Variants in RPAP2 observed in about 807,000 individuals in gnomAD.
RPAP2 encodes putative RNA polymerase II subunit B1 CTD phosphatase RPAP2.
Under a neutral mutation model 73.1 loss-of-function variants are expected in RPAP2, and 52 were observed. The observed-to-expected ratio is 0.71, with a 90% CI of 0.57 to 0.90. RPAP2 has a LOEUF of 0.90. Ranked by LOEUF, RPAP2 falls within the 40% of genes least tolerant of loss-of-function variation. The pLI is 0.00. For synonymous variants in RPAP2, 225 were observed against 242.1 expected, an observed-to-expected ratio of 0.93 and a Z score of 0.65; for missense variants, 598 against 701.8, an observed-to-expected ratio of 0.85 and a Z score of 1.67.
At chr1:92,321,175 A>G (rs533368062) in intron 7 of RPAP2, among the ~76,000 whole-genome samples, 125 of 152,374 alleles carry the variant, frequency 8.2e-4, no homozygotes, top group Middle Eastern at 6.8e-3. Context: ...CCTTAGTCAC[A>G]TGGCGTTGAG....
intron 6 of RPAP2, among the ~76,000 whole-genome samples, chr1:92,314,967 C>T (rs979108291): frequency 1.3e-5 from 2 of 152,100 alleles, no homozygotes; most frequent in Admixed American, 6.5e-5. Flanking sequence ...ATCTCTTGAA[C>T]CCGAGAGGCA....
intron 6 of RPAP2, among the ~76,000 whole-genome samples, chr1:92,312,831 T>A (rs1200249546): frequency 1.3e-4 from 20 of 152,022 alleles, no homozygotes; most frequent in Admixed American, 1.3e-3. Flanking sequence ...TTTCCTTTTT[T>A]CTTTTTTTCA....
intron 11 of RPAP2, among the ~76,000 whole-genome samples, chr1:92,357,925 T>G (rs1330668875): frequency 6.6e-6 from 1 of 152,208 alleles, no homozygotes; most frequent in Non-Finnish European, 1.5e-5. Context: ...GGAGTTTCAT[T>G]TGCTCGTTTG....
chr1:92,312,278 G>A (rs1221371535), intron 6 of RPAP2, among the ~76,000 whole-genome samples: 1 of 152,126 alleles, frequency 6.6e-6, no homozygotes, highest in East Asian at 1.9e-4. Context: ...TTAGCTGGGT[G>A]TGGTGGCACA....
intron 11 of RPAP2, among the ~76,000 whole-genome samples, chr1:92,361,096 T>C (rs1326273985): frequency 3.9e-5 from 4 of 102,272 alleles, no homozygotes; most frequent in Admixed American, 1.2e-4. Context: ...ATATATAATA[T>C]ATATATACAC....
At chr1:92,372,367 C>T (rs1283650998) in intron 11 of RPAP2, among the ~76,000 whole-genome samples, 1 of 152,224 alleles carries the variant, frequency 6.6e-6, no homozygotes, top group Non-Finnish European at 1.5e-5. Flanking sequence ...CCTAAGCCTG[C>T]TCAGTGGCAC....
intron 12 of RPAP2, among the ~76,000 whole-genome samples, chr1:92,383,706 T>G (rs1172092750): frequency 6.6e-5 from 10 of 151,664 alleles, no homozygotes; most frequent in Non-Finnish European, 1.5e-4. Flanking sequence ...TCATGTCATC[T>G]GCAAACAGGG....
intron 8 of RPAP2, among the ~76,000 whole-genome samples, chr1:92,332,128 A>G (rs1553152138): frequency 6.8e-6 from 1 of 147,480 alleles, no homozygotes; most frequent in Non-Finnish European, 1.5e-5. Flanking sequence ...TTTTTACTGT[A>G]TCTTGTAGGT....
intron 8 of RPAP2, among the ~76,000 whole-genome samples, chr1:92,325,146 C>T (rs1652551818): frequency 6.6e-6 from 1 of 152,110 alleles, no homozygotes; most frequent in Non-Finnish European, 1.5e-5. Context: ...AGTATTTCTA[C>T]TACCCATCTT....
intron 7 of RPAP2, among the ~76,000 whole-genome samples, chr1:92,322,040 G>A (rs1268884273): frequency 2.0e-5 from 3 of 149,198 alleles, no homozygotes; most frequent in African/African-American, 7.4e-5. Context: ...CTGCCACCTG[G>A]GTTCAAGCAG....
intron 6 of RPAP2, among the ~76,000 whole-genome samples, chr1:92,311,221 C>G (rs1466513100): frequency 1.3e-5 from 2 of 152,090 alleles, no homozygotes; most frequent in South Asian, 4.1e-4. Context: ...TCTCAGTTTC[C>G]TCATTTGTAA....
chr1:92,369,437 T>A (rs975418698), intron 11 of RPAP2, among the ~76,000 whole-genome samples: 1 of 152,172 alleles, frequency 6.6e-6, no homozygotes, highest in African/African-American at 2.4e-5. Flanking sequence ...AGCCTCTTGT[T>A]GGGACTTCAG....
At chr1:92,300,682 G>T (rs1395203441) in intron 2 of RPAP2, among the ~76,000 whole-genome samples, 2 of 152,218 alleles carry the variant, frequency 1.3e-5, no homozygotes, top group Non-Finnish European at 2.9e-5. Flanking sequence ...AGAGTTTCTA[G>T]AAGAGGAGTA....
chr1:92,347,750 C>G (rs1653979688), intron 11 of RPAP2, among the ~76,000 whole-genome samples: 2 of 152,124 alleles, frequency 1.3e-5, no homozygotes, highest in South Asian at 4.1e-4. Context: ...CTTTGCTAGT[C>G]CTTTTAGGCA....
chr1:92,384,754 G>T (rs1278140802), intron 12 of RPAP2, among the ~76,000 whole-genome samples: 1 of 152,130 alleles, frequency 6.6e-6, no homozygotes, highest in Non-Finnish European at 1.5e-5. Flanking sequence ...GCTTGGGTTG[G>T]TTTGTATAAG....
At chr1:92,331,568 A>T (rs1423796912) in intron 8 of RPAP2, among the ~76,000 whole-genome samples, 1 of 152,136 alleles carries the variant, frequency 6.6e-6, no homozygotes, top group African/African-American at 2.4e-5. Context: ...GTAAGTTAAT[A>T]CTTTTATTGC....
chr1:92,348,481 A>T (rs1654030703), intron 11 of RPAP2, among the ~76,000 whole-genome samples: 1 of 152,130 alleles, frequency 6.6e-6, no homozygotes, highest in Admixed American at 6.5e-5. Context: ...CCTTCCTTGC[A>T]GATTCTTTTC....
chr1:92,366,453 C>T (rs1384413216), intron 11 of RPAP2, among the ~76,000 whole-genome samples: 1 of 152,162 alleles, frequency 6.6e-6, no homozygotes, highest in Non-Finnish European at 1.5e-5. Context: ...GTGGCCCAGT[C>T]CATGTTATTT....
At chr1:92,380,986 T>A in intron 12 of RPAP2, 113 bp downstream of exon 12, 1 of 834,176 alleles carries the variant, frequency 1.2e-6, no homozygotes. Context: ...CAAGATGCCC[T>A]CAGTTTGCTA....
Sources: gnomAD v4.1 joint callset for allele counts (sites outside exome capture counted in the v4.1 genomes callset) on GRCh38, gnomAD v4.1.1 for gene constraint, MANE v1.5 for transcripts, NCBI Gene and HGNC (gene_info 2026-07-23, HGNC 2026-07-21) for gene names.